The following CHD2 variants were observed in gnomAD, a reference collection of about 807,000 sequenced individuals.
CHD2 encodes ATP-dependent chromatin remodeler CHD2.
Under a neutral mutation model 243.9 loss-of-function variants are expected in CHD2, and 28 were observed. The ratio of observed to expected loss-of-function variants is 0.11; its 90% CI spans 0.09 to 0.16. CHD2 has a LOEUF of 0.16. CHD2 is among the 10% of genes least tolerant of loss of function. The pLI is 1.00. For synonymous variants in CHD2, 775 were observed against 779.0 expected (o/e 0.99, Z 0.09); for missense variants, 1,386 against 2,209.8 (o/e 0.63, Z 7.47).
At chr15:92,937,741 C>T (rs568534175) in intron 6 of CHD2, 116 bp downstream of exon 6, 5 of 710,776 alleles carry the variant, frequency 7.0e-6, no homozygotes, top group Non-Finnish European at 6.8e-6. Context: ...TTTGATTCTG[C>T]GTTTTAGATA....
intron 2 of CHD2, among the ~76,000 whole-genome samples, chr15:92,908,677 A>G (rs993984410): frequency 6.6e-6 from 1 of 152,172 alleles, no homozygotes; most frequent in Non-Finnish European, 1.5e-5. Context: ...CCATTTTTAA[A>G]TTCCCTTTTT....
In CHD2 at chr15:93,000,649, TG is replaced by T; in HGVS notation, c.4137+13del. 6.2e-7 allele frequency: 1 copy of T among 1,607,884 alleles called. No homozygotes were observed. The highest frequency in any genetic ancestry group is 1.1e-5 in the South Asian group (1 of 90,318). On this transcript the variant is annotated intron_variant, in intron 32 of 38. Transcript: ENST00000394196. The stretch of plus-strand genomic sequence containing the variant: ...AAGAGGGAGAAGTGAAAGTATGAAG[TG>T]GGGTTTCGGTTGAGGGTTATTTATT...
chr15:92,961,876 C>CTCTTT (rs1555441358), intron 16 of CHD2, among the ~76,000 whole-genome samples: 4 of 78,640 alleles, frequency 5.1e-5, no homozygotes, highest in East Asian at 5.7e-4. Context: ...TTTTTCTTCT[C>CTCTTT]TTTTTTTTTT....
At chr15:92,911,005 A>G (rs1055508354) in intron 2 of CHD2, among the ~76,000 whole-genome samples, 3 of 152,226 alleles carry the variant, frequency 2.0e-5, no homozygotes, top group African/African-American at 7.2e-5. Context: ...ATATTTGTGT[A>G]TCTAAACAGA....
rs762235508 is a variant in CHD2 at position 93,020,177 on chromosome 15, CCAA to C, written c.5078_5080del (p.Asn1693del). ...GCCCACCGTTCCGGAAGCTATCGACCCAACAACATGTCCAGAAAGAGGCCTTAT... is the reference window on the plus strand; with the variant it reads ...GCCCACCGTTCCGGAAGCTATCGACCCAACATGTCCAGAAAGAGGCCTTAT... On this transcript the variant is annotated inframe_deletion, in exon 38 of 39. Coordinates refer to ENST00000394196, the MANE Select transcript of CHD2 (RefSeq NM_001271.4). 2.5e-6 allele frequency: 4 copies of C among 1,614,030 alleles called. No homozygotes were observed. Among genetic ancestry groups the C allele is most frequent in the Admixed American group, 3.3e-5 (2 of 60,012 alleles).
Position 92,984,389 on chromosome 15 carries a change from C to G in CHD2, c.3126C>G (p.Asp1042Glu), listed in dbSNP as rs150268140. 109 of 1,608,856 alleles carry G rather than the reference C, an allele frequency of 6.8e-5. No individual in the cohort carries two copies. The highest frequency in any genetic ancestry group is 8.7e-5 in the Non-Finnish European group (102 of 1,177,340). Residue 1042 changes from aspartate to glutamate, a missense_variant, in exon 25 of 39, where the codon GAC becomes GAG. This residue lies in a region of CHD2 where 99 missense variants were observed against 206.4 expected (regional missense o/e 0.48). Coordinates refer to ENST00000394196, the MANE Select transcript of CHD2 (RefSeq NM_001271.4). ...EEELEERPHK[D>E]WDEIIPEEQR... ...AGCTAGAAGAGCGTCCTCACAAGGA[C>G]TGGGATGAGATCATTCCAGAGGAAC...
chr15:92,905,232 C>T (rs999672773), intron 2 of CHD2, among the ~76,000 whole-genome samples: 3 of 152,152 alleles, frequency 2.0e-5, no homozygotes, highest in African/African-American at 7.2e-5. Context: ...TTGGCCAAAT[C>T]TTCGCAATTA....
chr15:92,909,615 C>T (rs1357460086), intron 2 of CHD2, among the ~76,000 whole-genome samples: 1 of 152,082 alleles, frequency 6.6e-6, no homozygotes, highest in African/African-American at 2.4e-5. Flanking sequence ...ATACACAGTG[C>T]GGTGCTGCAA....
chr15:92,992,109 A>C (rs573131943), intron 27 of CHD2, among the ~76,000 whole-genome samples: 6 of 152,346 alleles, frequency 3.9e-5, no homozygotes, highest in African/African-American at 1.4e-4. Flanking sequence ...AAAAGCCCTA[A>C]TTTAAAGGAA....
rs531251618 is a variant in CHD2, at chr15:92,946,064, A to C, written c.1225A>C (p.Asn409His). The change falls in exon 12 of 39, where the codon AAT becomes CAT. Residue 409 changes from asparagine (N) to histidine (H), a missense_variant. Asn to His is a moderately conservative substitution (Grantham distance 68). Around this residue, in one of 19 missense-constraint regions of CHD2, gnomAD observed 200 missense variants for 292.5 expected, o/e 0.68. Coordinates refer to ENST00000394196, the MANE Select transcript of CHD2 (RefSeq NM_001271.4). ...PAHSRKPAPS[N>H]EPEYLCKWMG... Reference sequence around the variant, plus strand: ...TCATAGTCGGAAGCCGGCACCCTCAAATGAGCCCGAATATCTATGTAAATG... The same window carrying C: ...TCATAGTCGGAAGCCGGCACCCTCACATGAGCCCGAATATCTATGTAAATG... 21 of 1,597,130 alleles carry C rather than the reference A, an allele frequency of 1.3e-5. No homozygotes were observed. The highest frequency in any genetic ancestry group is 1.0e-4 in the South Asian group (9 of 88,186).
rs759026209 is a variant in CHD2, at chr15:92,996,945, G to T, written c.3596-12G>T. 6.3e-7 allele frequency: 1 copy of T among 1,595,200 alleles called. No individual in the cohort carries two copies. Among genetic ancestry groups the T allele is most frequent in the South Asian group, 1.1e-5 (1 of 87,078 alleles). ...ATTTTCATTTAACTAATGTGAAACT[G>T]GTATTTTTCAGGAAAAGGACCAGGG... On this transcript the variant is annotated splice_polypyrimidine_tract_variant and intron_variant, in intron 28 of 38. Transcript: ENST00000394196.
At chr15:92,956,158 G>T (rs1357163728) in intron 15 of CHD2, among the ~76,000 whole-genome samples, 7 of 152,006 alleles carry the variant, frequency 4.6e-5, no homozygotes, top group South Asian at 2.1e-4. Flanking sequence ...GAATCATATG[G>T]TTTTTTTGTT....
chr15:92,983,785 T>A (rs2054008784), intron 24 of CHD2, among the ~76,000 whole-genome samples: 1 of 152,262 alleles, frequency 6.6e-6, no homozygotes, highest in South Asian at 2.1e-4. Context: ...TGTTTTCATT[T>A]TATTTCCTAA....
intron 17 of CHD2, 22 bp from the exon 18 acceptor site, chr15:92,971,743 T>A (rs2053845166): frequency 6.2e-7 from 1 of 1,607,502 alleles, no homozygotes; most frequent in Non-Finnish European, 8.5e-7. Flanking sequence ...TCTAGTAGTA[T>A]CATTATCATT....
intron 4 of CHD2, among the ~76,000 whole-genome samples, chr15:92,927,985 A>G (rs1194189211): frequency 6.6e-6 from 1 of 152,158 alleles, no homozygotes; most frequent in Non-Finnish European, 1.5e-5. Context: ...ATTCTGAATT[A>G]GGTTTATAGA....
intron 28 of CHD2, 66 bp from the exon 29 acceptor site, chr15:92,996,891 G>T: frequency 6.6e-7 from 1 of 1,506,116 alleles, no homozygotes; most frequent in South Asian, 1.3e-5. Context: ...AGGGTTCGTT[G>T]ATACATGTTT....
intron 2 of CHD2, among the ~76,000 whole-genome samples, chr15:92,923,428 T>C (rs2052997706): frequency 6.6e-6 from 1 of 152,086 alleles, no homozygotes; most frequent in Non-Finnish European, 1.5e-5. Flanking sequence ...ACCCAGCTAA[T>C]TTAAACATTT....
chr15:93,019,086 C>T (rs544528412), intron 37 of CHD2, among the ~76,000 whole-genome samples: 16 of 152,222 alleles, frequency 1.1e-4, no homozygotes, highest in South Asian at 4.1e-4. Context: ...GGCCTTAATC[C>T]GTAAGAGACA....
intron 35 of CHD2, 91 bp downstream of exon 35, chr15:93,009,414 T>A: frequency 7.8e-7 from 1 of 1,287,376 alleles, no homozygotes; most frequent in Non-Finnish European, 1.1e-6. Context: ...CATAGCCACC[T>A]AAGAAATCTT....
Sources: allele counts gnomAD v4.1 joint callset (sites outside exome capture counted in the v4.1 genomes callset), GRCh38; gene constraint gnomAD v4.1.1; regional missense constraint gnomAD v4.1.1; transcripts MANE v1.5; gene names NCBI Gene and HGNC (gene_info 2026-07-23, HGNC 2026-07-21).